Variants in SORCS3 observed in about 807,000 individuals in gnomAD.
SORCS3 encodes the protein sortilin related VPS10 domain containing receptor 3.
In SORCS3, 57 loss-of-function variants were observed where a neutral mutation model predicts 146.3. The ratio of observed to expected loss-of-function variants is 0.39; its 90% CI spans 0.31 to 0.49. The LOEUF is 0.49. Ranked by LOEUF, SORCS3 falls within the 20% of genes least tolerant of loss-of-function variation. The pLI is 0.92. For missense variants in SORCS3, 1,341 were observed against 1,575.5 expected (o/e 0.85, Z 2.52); for synonymous variants, 653 against 618.5 (o/e 1.06, Z -0.83).
chr10:104,989,918 T>A (rs1174831488), intron 4 of SORCS3, among the ~76,000 whole-genome samples: 2 of 152,208 alleles, frequency 1.3e-5, no homozygotes, highest in African/African-American at 4.8e-5. Flanking sequence ...TTCAACCCAC[T>A]TCAACAAGGA....
chr10:104,806,413 G>A (rs1337252553), intron 1 of SORCS3, among the ~76,000 whole-genome samples: 4 of 152,144 alleles, frequency 2.6e-5, no homozygotes, highest in African/African-American at 9.7e-5. Context: ...CTTCAGTTGG[G>A]GTGACATGAG....
intron 4 of SORCS3, among the ~76,000 whole-genome samples, chr10:105,037,911 C>T (rs1589604387): frequency 6.6e-6 from 1 of 152,164 alleles, no homozygotes; most frequent in African/African-American, 2.4e-5. Flanking sequence ...ATTAAATTGC[C>T]TCTTTAGTTC....
chr10:105,194,032 G>C (rs1043275374), intron 14 of SORCS3, among the ~76,000 whole-genome samples: 1 of 152,078 alleles, frequency 6.6e-6, no homozygotes, highest in Non-Finnish European at 1.5e-5. Context: ...AATTTTAATT[G>C]ATTTTTTTTC....
intron 20 of SORCS3, among the ~76,000 whole-genome samples, chr10:105,238,866 C>T (rs750960774): frequency 2.6e-5 from 4 of 152,076 alleles, no homozygotes; most frequent in African/African-American, 4.8e-5. Context: ...GGTTTACTAC[C>T]TTCAACTATT....
At chr10:105,077,893 G>A (rs2055599024) in intron 5 of SORCS3, among the ~76,000 whole-genome samples, 1 of 152,118 alleles carries the variant, frequency 6.6e-6, no homozygotes, top group Non-Finnish European at 1.5e-5. Context: ...TGTGAATCTG[G>A]GGCTAGGGAG....
chr10:104,997,655 C>T (rs2055035227), intron 4 of SORCS3, among the ~76,000 whole-genome samples: 1 of 152,130 alleles, frequency 6.6e-6, no homozygotes, highest in Non-Finnish European at 1.5e-5. Flanking sequence ...ATCTCTACAG[C>T]CTTTAGAATC....
At chr10:105,088,989 T>A (rs2055682752) in intron 5 of SORCS3, among the ~76,000 whole-genome samples, 1 of 152,180 alleles carries the variant, frequency 6.6e-6, no homozygotes, top group African/African-American at 2.4e-5. Context: ...GAGTTTTTAA[T>A]GTGTGTGTCA....
At chr10:104,897,573 C>T (rs963377111) in intron 2 of SORCS3, among the ~76,000 whole-genome samples, 2 of 152,170 alleles carry the variant, frequency 1.3e-5, no homozygotes, top group East Asian at 1.9e-4. Flanking sequence ...GCTGTATGTT[C>T]ATCTAAGATT....
Position 105,214,592 on chromosome 10 carries a change from T to C in SORCS3, c.2526T>C (p.Thr842=). Residue 842 remains threonine (T), a synonymous_variant, in exon 18 of 27, where the codon ACT becomes ACC. Transcript: ENST00000369701. ...RLVAEQGHNA[T]FIILMEEGDL... ...TGGCAGAGCAGGGGCACAATGCAAC[T>C]TTCATCATCCTCATGGAGGAGGTAG... The C allele has an allele frequency of 6.3e-7, 1 of 1,595,448 alleles. No homozygotes were observed. The highest frequency in any genetic ancestry group is 8.5e-7 in the Non-Finnish European group (1 of 1,170,536).
rs183976175 is a variant in SORCS3, at chr10:105,236,654, A to G, written c.2869-8888A>G. On this transcript the variant is annotated intron_variant, in intron 20 of 26. Transcript: ENST00000369701. Reference sequence around the variant, plus strand: ...AGACACAATGTTTCTCTACAGCTCTATTTTTTTCTTTGAGTGCTGTTTCTA... The same window carrying G: ...AGACACAATGTTTCTCTACAGCTCTGTTTTTTTCTTTGAGTGCTGTTTCTA... 5.9e-5 allele frequency among the ~76,000 whole-genome samples: 9 copies of G among 152,106 alleles called. No homozygotes were observed. The East Asian group carries it at 1.7e-3, about 29-fold the overall frequency.
At chr10:105,019,076 G>C (rs1342988) in intron 4 of SORCS3, among the ~76,000 whole-genome samples, 1 of 151,746 alleles carries the variant, frequency 6.6e-6, no homozygotes, top group Non-Finnish European at 1.5e-5. Context: ...TTTTATCTTT[G>C]TTTGACAACA....
intron 2 of SORCS3, among the ~76,000 whole-genome samples, chr10:104,907,145 G>C (rs1172088743): frequency 1.3e-5 from 2 of 151,952 alleles, no homozygotes; most frequent in Non-Finnish European, 2.9e-5. Flanking sequence ...GTGTGTGTGT[G>C]TGTGTGTGTA....
intron 3 of SORCS3, among the ~76,000 whole-genome samples, chr10:104,939,786 G>A (rs1034766230): frequency 1.3e-5 from 2 of 152,120 alleles, no homozygotes; most frequent in Admixed American, 6.5e-5. Flanking sequence ...CACAACACTC[G>A]GGTGGGTAAA....
intron 5 of SORCS3, among the ~76,000 whole-genome samples, chr10:105,060,670 G>A (rs1288222333): frequency 6.6e-6 from 1 of 152,168 alleles, no homozygotes; most frequent in Non-Finnish European, 1.5e-5. Context: ...TGGGCGCGGT[G>A]GCTCAAACCT....
chr10:104,782,194 C>T (rs1239094489), intron 1 of SORCS3, among the ~76,000 whole-genome samples: 1 of 152,222 alleles, frequency 6.6e-6, no homozygotes, highest in Non-Finnish European at 1.5e-5. Context: ...TTTCCAGTGA[C>T]TGACAGGCAC....
intron 4 of SORCS3, among the ~76,000 whole-genome samples, chr10:105,009,527 C>CAAAAAAA (rs35368294): frequency 3.6e-3 from 381 of 104,510 alleles, no homozygotes; most frequent in Middle Eastern, 0.012. Context: ...AACAAACAAA[C>CAAAAAAA]AAAAAAAAAA....
chr10:104,675,512 A>G (rs1012114531), intron 1 of SORCS3, among the ~76,000 whole-genome samples: 1 of 152,088 alleles, frequency 6.6e-6, no homozygotes, highest in Non-Finnish European at 1.5e-5. Context: ...TATTGTTTTA[A>G]TGTTCACATT....
chr10:104,770,243 T>A (rs1299016976), intron 1 of SORCS3, among the ~76,000 whole-genome samples: 1 of 152,166 alleles, frequency 6.6e-6, no homozygotes, highest in East Asian at 1.9e-4. Flanking sequence ...CAGTGCAGGT[T>A]CACAAAGTGC....
chr10:104,765,684 A>G (rs529789414), intron 1 of SORCS3, among the ~76,000 whole-genome samples: 31 of 152,302 alleles, frequency 2.0e-4, no homozygotes, highest in African/African-American at 5.8e-4. Context: ...GAGAAATAAC[A>G]ATTATTTTTA....
Sources: allele counts gnomAD v4.1 joint callset (sites outside exome capture counted in the v4.1 genomes callset), GRCh38; gene constraint gnomAD v4.1.1; transcripts MANE v1.5; gene names NCBI Gene and HGNC (gene_info 2026-07-23, HGNC 2026-07-21).